CYP7B1: variants seen among roughly 807,000 people sequenced by gnomAD.
CYP7B1 encodes cytochrome P450 7B1.
In CYP7B1, 29 loss-of-function variants were observed where a neutral mutation model predicts 42.7. The observed-to-expected ratio is 0.68, with a 90% confidence interval of 0.51 to 0.93. The LOEUF (loss-of-function observed/expected upper bound fraction) is 0.93. Ranked by LOEUF, CYP7B1 falls within the 40% of genes least tolerant of loss-of-function variation. CYP7B1 has a pLI of 0.00. For missense variants in CYP7B1, 655 were observed against 600.5 expected (o/e 1.09, Z -0.95); for synonymous variants, 235 against 218.2 (o/e 1.08, Z -0.68).
chr8:64,588,139 C>A (rs1804992793), downstream of CYP7B1, among the ~76,000 whole-genome samples: 1 of 152,114 alleles, frequency 6.6e-6, no homozygotes, highest in Non-Finnish European at 1.5e-5. Context: ...GAACTATGAT[C>A]TGTGAATAAT....
At chr8:64,785,024 A>G (rs755802222) in intron 1 of CYP7B1, among the ~76,000 whole-genome samples, 2 of 152,198 alleles carry the variant, frequency 1.3e-5, no homozygotes, top group Non-Finnish European at 2.9e-5. Context: ...TAAGAAAACA[A>G]CCTAATTTTT....
chr8:64,599,506 C>T (rs943377864), intron 5 of CYP7B1, among the ~76,000 whole-genome samples: 3 of 152,114 alleles, frequency 2.0e-5, no homozygotes, highest in African/African-American at 7.2e-5. Context: ...AAATTCTTTA[C>T]AGTGACCATA....
At chr8:64,716,907 A>G (rs762496407) in intron 1 of CYP7B1, among the ~76,000 whole-genome samples, 128 of 152,306 alleles carry the variant, frequency 8.4e-4, no homozygotes, top group Non-Finnish European at 1.5e-3. Context: ...TTACTGAGGG[A>G]GGAGTGCTAC....
chr8:64,712,203 A>G (rs1807091164), intron 1 of CYP7B1, among the ~76,000 whole-genome samples: 2 of 152,164 alleles, frequency 1.3e-5, no homozygotes, highest in South Asian at 4.1e-4. Context: ...CTAAAATCCT[A>G]AAAAAGGAAG....
chr8:64,691,224 C>T (rs1806735366), intron 1 of CYP7B1, among the ~76,000 whole-genome samples: 1 of 152,114 alleles, frequency 6.6e-6, no homozygotes, highest in Non-Finnish European at 1.5e-5. Flanking sequence ...TCTTATTTAT[C>T]AACAGAAATT....
At chr8:64,680,240 T>G (rs867098035) in intron 1 of CYP7B1, among the ~76,000 whole-genome samples, 3 of 152,288 alleles carry the variant, frequency 2.0e-5, no homozygotes, top group Middle Eastern at 6.8e-3. Flanking sequence ...CCTTCATTTT[T>G]CTCCCCAGTG....
rs893125522 is a variant in CYP7B1 at position 64,755,505 on chromosome 8, G to A, written c.122+42961C>T. Among the ~76,000 whole-genome samples, 38 of 151,930 alleles carry A rather than the reference G, an allele frequency of 2.5e-4. 1 individual carries two copies. The highest frequency in any genetic ancestry group is 9.0e-4 in the African/African-American group (37 of 41,324). On this transcript the variant is annotated intron_variant, in intron 1 of 5. Transcript: ENST00000310193. Reference sequence around the variant, plus strand: ...ACGATCTCGGCTCACTGCAACCTCCGCCTCCCAGGTTCTAGTGATTCTCCT... The same window carrying A: ...ACGATCTCGGCTCACTGCAACCTCCACCTCCCAGGTTCTAGTGATTCTCCT...
chr8:64,739,882 T>C (rs569275015), intron 1 of CYP7B1, among the ~76,000 whole-genome samples: 1 of 152,226 alleles, frequency 6.6e-6, no homozygotes, highest in African/African-American at 2.4e-5. Context: ...ATTTAAAGTG[T>C]TGAAAGGAAA....
intron 1 of CYP7B1, among the ~76,000 whole-genome samples, chr8:64,698,694 G>A (rs761795432): frequency 2.1e-4 from 32 of 152,260 alleles, no homozygotes; most frequent in Non-Finnish European, 2.2e-4. Context: ...TGAATGACCT[G>A]TTATAATTAG....
At chr8:64,798,417 G>T in intron 1 of CYP7B1, 49 bp downstream of exon 1, 1 of 1,449,438 alleles carries the variant, frequency 6.9e-7, no homozygotes, top group Non-Finnish European at 9.0e-7. Context: ...GTCGCGCGCG[G>T]CCCGCGGGGC....
intron 1 of CYP7B1, among the ~76,000 whole-genome samples, chr8:64,771,434 C>A (rs2129643817): frequency 6.6e-6 from 1 of 152,274 alleles, no homozygotes; most frequent in Admixed American, 6.5e-5. Flanking sequence ...TTGGAGTCTA[C>A]ACGTTTTGTC....
At chr8:64,650,541 A>G (rs1585832328) in intron 1 of CYP7B1, among the ~76,000 whole-genome samples, 1 of 152,116 alleles carries the variant, frequency 6.6e-6, no homozygotes. Context: ...CCAGCTACTT[A>G]GGAGGCTGAG....
intron 1 of CYP7B1, among the ~76,000 whole-genome samples, chr8:64,627,185 T>A (rs1805621380): frequency 6.6e-6 from 1 of 152,240 alleles, no homozygotes; most frequent in Non-Finnish European, 1.5e-5. Flanking sequence ...GAGATGGGAA[T>A]CTTACTCATT....
intron 1 of CYP7B1, among the ~76,000 whole-genome samples, chr8:64,702,332 A>C (rs1342207914): frequency 6.6e-6 from 1 of 152,092 alleles, no homozygotes; most frequent in Non-Finnish European, 1.5e-5. Flanking sequence ...AATGTTATAA[A>C]ATGAGATTTC....
chr8:64,774,461 A>G (rs1804287813), intron 1 of CYP7B1, among the ~76,000 whole-genome samples: 1 of 152,202 alleles, frequency 6.6e-6, no homozygotes, highest in Non-Finnish European at 1.5e-5. Context: ...AGTCATGTCA[A>G]TAGGAACAGT....
At chr8:64,607,724 T>G (rs1018295137) in intron 4 of CYP7B1, among the ~76,000 whole-genome samples, 1 of 152,264 alleles carries the variant, frequency 6.6e-6, no homozygotes, top group Non-Finnish European at 1.5e-5. Context: ...GAGTCATTAA[T>G]GCACTTGGCT....
Position 64,615,687 on chromosome 8 carries a change from T to C in CYP7B1, c.850+4A>G, listed in dbSNP as rs770361298. ...TAGGCAAGTGCTCATTCAGAAGTTC[T>C]TACCTCCTATTTCAAGGTCCTCGTG... On this transcript the variant is annotated splice_donor_region_variant and intron_variant, in intron 3 of 5. Coordinates refer to ENST00000310193, the MANE Select transcript of CYP7B1 (RefSeq NM_004820.5). 1.9e-6 allele frequency: 3 copies of C among 1,612,860 alleles called. No homozygotes were observed. Among genetic ancestry groups the C allele is most frequent in the African/African-American group, 2.7e-5 (2 of 74,874 alleles).
intron 1 of CYP7B1, among the ~76,000 whole-genome samples, chr8:64,658,597 T>C (rs1198173926): frequency 1.3e-5 from 2 of 152,218 alleles, no homozygotes; most frequent in Non-Finnish European, 2.9e-5. Flanking sequence ...ATGTGAAATA[T>C]CTGAGAGTTC....
At chr8:64,723,720 C>G (rs1010254942) in intron 1 of CYP7B1, among the ~76,000 whole-genome samples, 1 of 151,686 alleles carries the variant, frequency 6.6e-6, no homozygotes, top group African/African-American at 2.4e-5. Flanking sequence ...TTTAAGAAAC[C>G]AATCTCAAAG....
Sources: allele counts gnomAD v4.1 joint callset (sites outside exome capture counted in the v4.1 genomes callset), GRCh38; gene constraint gnomAD v4.1.1; transcripts MANE v1.5; gene names NCBI Gene and HGNC (gene_info 2026-07-23, HGNC 2026-07-21).